Variants in MAPKAPK5 observed in about 807,000 individuals in gnomAD.
MAPKAPK5 encodes MAP kinase-activated protein kinase 5.
A neutral mutation model predicts 65.1 loss-of-function variants in MAPKAPK5; 30 were observed. The observed-to-expected ratio is 0.46, with a 90% CI of 0.34 to 0.63. The LOEUF (loss-of-function observed/expected upper bound fraction) is 0.63. MAPKAPK5 is among the 20% of genes least tolerant of loss of function. The pLI is 0.01. For synonymous variants in MAPKAPK5, 179 were observed against 204.6 expected (o/e 0.87, Z 1.07); for missense variants, 433 against 581.4 (o/e 0.74, Z 2.63).
chr12:111,842,626 C>A lies in MAPKAPK5; in HGVS notation c.-108C>A. ...CCCGAGGGGCGGCTGCTGCCCGTCGCCACGAGGCCCAGGGGCCCGAGTGCC... is the reference window on the plus strand; with the variant it reads ...CCCGAGGGGCGGCTGCTGCCCGTCGACACGAGGCCCAGGGGCCCGAGTGCC... On this transcript the variant is annotated 5_prime_UTR_variant, in exon 1 of 14. Coordinates refer to ENST00000550735, the MANE Select transcript of MAPKAPK5 (RefSeq NM_003668.4). The A allele has an allele frequency of 1.3e-6, 1 of 754,894 alleles. No individual in the cohort carries two copies. Among genetic ancestry groups the A allele is most frequent in the Non-Finnish European group, 1.9e-6 (1 of 536,756 alleles). 46.8% of individuals were successfully genotyped at this position (754,894 alleles called of 1,614,324 possible).
At chr12:111,855,962 T>C (rs1447333204) in intron 1 of MAPKAPK5, among the ~76,000 whole-genome samples, 4 of 151,756 alleles carry the variant, frequency 2.6e-5, no homozygotes, top group Non-Finnish European at 5.9e-5. Context: ...TTCAAGCGAT[T>C]ATCCTGCCTC....
chr12:111,875,884 A>C (rs7297760), intron 7 of MAPKAPK5, among the ~76,000 whole-genome samples: 29,633 of 151,816 alleles, frequency 0.2, 3,101 homozygotes, highest in Middle Eastern at 0.27. Context: ...TAATTGGTTA[A>C]CCTGAGACCT....
chr12:111,860,039 C>G (rs2069383411), intron 1 of MAPKAPK5, among the ~76,000 whole-genome samples: 1 of 152,174 alleles, frequency 6.6e-6, no homozygotes, highest in African/African-American at 2.4e-5. Context: ...CATCGCACTC[C>G]AGCCTGGGCA....
chr12:111,884,733 G>C (rs2070348869), intron 9 of MAPKAPK5, among the ~76,000 whole-genome samples: 2 of 152,218 alleles, frequency 1.3e-5, no homozygotes, highest in African/African-American at 4.8e-5. Context: ...TCACTGAGCA[G>C]TGTCTCCCTT....
chr12:111,887,814 T>TACACACACAC (rs58382752), intron 10 of MAPKAPK5: 59 of 145,088 alleles, frequency 4.1e-4, no homozygotes, highest in Middle Eastern at 3.4e-3. Flanking sequence ...TTTTCTGGGA[T>TACACACACAC]ACACACACAC....
At chr12:111,874,693 C>G (rs1285207125) in intron 7 of MAPKAPK5, among the ~76,000 whole-genome samples, 1 of 150,276 alleles carries the variant, frequency 6.7e-6, no homozygotes, top group Non-Finnish European at 1.5e-5. Flanking sequence ...GAACTCCTGA[C>G]CTCAGGTAAT....
intron 1 of MAPKAPK5, among the ~76,000 whole-genome samples, chr12:111,853,270 G>A (rs774895635): frequency 2.6e-5 from 4 of 152,046 alleles, no homozygotes; most frequent in Middle Eastern, 6.8e-3. Context: ...TGCTTGGGAG[G>A]CTGAGGCAGA....
chr12:111,854,810 A>G (rs2069184275), intron 1 of MAPKAPK5, among the ~76,000 whole-genome samples: 1 of 152,216 alleles, frequency 6.6e-6, no homozygotes, highest in African/African-American at 2.4e-5. Context: ...AGGCCAAGGC[A>G]ACCCCACAAC....
chr12:111,863,868 G>T (rs2069520610), intron 1 of MAPKAPK5, among the ~76,000 whole-genome samples: 1 of 151,998 alleles, frequency 6.6e-6, no homozygotes, highest in Non-Finnish European at 1.5e-5. Flanking sequence ...GCCTCCCAAA[G>T]TGCTGGGATT....
intron 4 of MAPKAPK5, 76 bp from the exon 5 acceptor site, chr12:111,868,677 C>G (rs2069685028): frequency 8.7e-7 from 1 of 1,147,340 alleles, no homozygotes; most frequent in East Asian, 2.6e-5. Flanking sequence ...AGGTCAGCTT[C>G]TTAATGTTTC....
intron 1 of MAPKAPK5, among the ~76,000 whole-genome samples, chr12:111,854,396 CA>C (rs2069175157): frequency 2.0e-5 from 3 of 152,080 alleles, no homozygotes; most frequent in African/African-American, 7.2e-5. Context: ...CGTGCGCCAC[CA>C]CGCCCAGCTA....
At chr12:111,843,294 C>T (rs1375188945) in intron 1 of MAPKAPK5, 3 of 398,488 alleles carry the variant, frequency 7.5e-6, no homozygotes, top group Admixed American at 8.8e-5. Context: ...TCTTTTTCCT[C>T]TTCTTTCTCC....
Position 111,898,162 on chromosome 12 carries a change from AT to A in MAPKAPK5, c.*5105del, listed in dbSNP as rs1247963297. On this transcript the variant is annotated 3_prime_UTR_variant, in exon 14 of 14. Coordinates refer to ENST00000550735, the MANE Select transcript of MAPKAPK5 (RefSeq NM_003668.4). Reference sequence around the variant, plus strand: ...CTAGACACCTGGTTAGTCAGCTTTTATTTTGACCCCACAGTTTTTTTTTTGA... The same window carrying A: ...CTAGACACCTGGTTAGTCAGCTTTTATTTGACCCCACAGTTTTTTTTTTGA... 1 of 151,460 alleles carries A rather than the reference AT, an allele frequency of 6.6e-6. No individual in the cohort carries two copies. The highest frequency in any genetic ancestry group is 2.4e-5 in the African/African-American group (1 of 41,244). 9.4% of individuals were successfully genotyped at this position (151,460 alleles called of 1,614,324 possible).
At chr12:111,852,426 T>C (rs2069113703) in intron 1 of MAPKAPK5, among the ~76,000 whole-genome samples, 1 of 152,206 alleles carries the variant, frequency 6.6e-6, no homozygotes, top group Admixed American at 6.6e-5. Flanking sequence ...ACTTAATGAA[T>C]AGCAAATATG....
intron 1 of MAPKAPK5, among the ~76,000 whole-genome samples, chr12:111,855,853 C>CTT (rs144921229): frequency 5.5e-4 from 75 of 135,730 alleles, no homozygotes; most frequent in South Asian, 2.9e-3. Context: ...TGTTTAATTT[C>CTT]TTTTTTTTTT....
chr12:111,843,291 CCTCTTCTTT>C (rs1475925757), intron 1 of MAPKAPK5: 1 of 398,552 alleles, frequency 2.5e-6, no homozygotes, highest in Non-Finnish European at 4.4e-6. Flanking sequence ...TTTTCTTTTT[CCTCTTCTTT>C]CTCCTAGGAA....
At chr12:111,888,731 G>C in intron 11 of MAPKAPK5, 113 bp downstream of exon 11, 1 of 1,527,612 alleles carries the variant, frequency 6.5e-7, no homozygotes, top group Non-Finnish European at 8.8e-7. Context: ...CTCTGAAGAG[G>C]GTGGAGAGGA....
intron 7 of MAPKAPK5, among the ~76,000 whole-genome samples, chr12:111,875,569 A>G (rs2069935732): frequency 6.6e-6 from 1 of 151,706 alleles, no homozygotes; most frequent in Non-Finnish European, 1.5e-5. Flanking sequence ...GCAATGGGGG[A>G]CCGAGAGGTA....
In MAPKAPK5 at chr12:111,886,078, T is replaced by C. The variant is rs772464767; in HGVS notation, c.969+42T>C. 6.8e-6 allele frequency: 11 copies of C among 1,613,422 alleles called. No individual in the cohort carries two copies. In the South Asian group the frequency reaches 1.2e-4, roughly 18 times the overall value. On this transcript the variant is annotated intron_variant, in intron 10 of 13. Transcript: ENST00000550735. The stretch of plus-strand genomic sequence containing the variant: ...ACTTTGTTGGCTGAAAAGACTGTGT[T>C]GGGAAGGAATGCTGGGGCTTGGCTC...
Sources: gnomAD v4.1 joint callset for allele counts (sites outside exome capture counted in the v4.1 genomes callset) on GRCh38, gnomAD v4.1.1 for gene constraint, MANE v1.5 for transcripts, NCBI Gene and HGNC (gene_info 2026-07-23, HGNC 2026-07-21) for gene names.